CCDC12: variants seen among roughly 807,000 people sequenced by gnomAD.
The protein encoded by CCDC12 is coiled-coil domain containing 12.
Under a neutral mutation model 25.7 loss-of-function variants are expected in CCDC12, and 28 were observed. The observed-to-expected ratio is 1.09, with a 90% CI of 0.81 to 1.50. The LOEUF (loss-of-function observed/expected upper bound fraction) is 1.50. Among genes scored for constraint, CCDC12 ranks in the 40% most tolerant of loss-of-function variants. The pLI is 0.00. For synonymous variants in CCDC12, 75 were observed against 87.7 expected (o/e 0.86, Z 0.81); for missense variants, 198 against 210.0 (o/e 0.94, Z 0.35).
intron 2 of CCDC12, among the ~76,000 whole-genome samples, chr3:46,932,516 A>G (rs961656881): frequency 6.6e-6 from 1 of 152,224 alleles, no homozygotes; most frequent in Non-Finnish European, 1.5e-5. Context: ...AGCCTGAAGA[A>G]CGGGTACAGT....
At chr3:46,934,005 C>T (rs867697390) in intron 2 of CCDC12, among the ~76,000 whole-genome samples, 139 of 152,064 alleles carry the variant, frequency 9.1e-4, no homozygotes, top group African/African-American at 3.0e-3. Context: ...CTACAAGCTC[C>T]GCCTCCCGGG....
At chr3:46,966,356 T>C (rs1219852110) in intron 1 of CCDC12, among the ~76,000 whole-genome samples, 1 of 151,696 alleles carries the variant, frequency 6.6e-6, no homozygotes, top group African/African-American at 2.4e-5. Flanking sequence ...CTACTAAAAA[T>C]ACAAAAATTA....
In CCDC12 at chr3:46,964,343, C is replaced by T. The variant is rs534354457; in HGVS notation, c.96+12294G>A. Among the ~76,000 whole-genome samples, 86 of 151,150 alleles carry T rather than the reference C, an allele frequency of 5.7e-4. 1 individual carries two copies. In the South Asian group the frequency reaches 0.013, roughly 22 times the overall value. ...CCGGGAGGGAGGTGGGGGGTCAGCC[C>T]CCGCCCGGCCAGCCGCCCCGTCTGG... is the stretch of plus-strand genomic sequence containing the variant. On this transcript the variant is annotated intron_variant, in intron 1 of 6. Coordinates refer to ENST00000683445, the MANE Select transcript of CCDC12 (RefSeq NM_001277074.2).
intron 1 of CCDC12, among the ~76,000 whole-genome samples, chr3:46,971,918 A>G (rs1457069198): frequency 6.6e-6 from 1 of 152,176 alleles, no homozygotes; most frequent in Non-Finnish European, 1.5e-5. Flanking sequence ...GAGGAGACTC[A>G]AGGGGTTTTA....
chr3:46,968,087 C>G (rs1388319499), intron 1 of CCDC12, among the ~76,000 whole-genome samples: 1 of 152,168 alleles, frequency 6.6e-6, no homozygotes, highest in Non-Finnish European at 1.5e-5. Context: ...GAAATGCTGG[C>G]TCACCATAGG....
At chr3:46,949,714 C>A (rs1027493328) in intron 1 of CCDC12, among the ~76,000 whole-genome samples, 1 of 152,174 alleles carries the variant, frequency 6.6e-6, no homozygotes, top group African/African-American at 2.4e-5. Flanking sequence ...TACAGGGTCC[C>A]GCATGACCCT....
intron 1 of CCDC12, among the ~76,000 whole-genome samples, chr3:46,954,059 G>A (rs1261060109): frequency 2.0e-5 from 3 of 152,244 alleles, no homozygotes; most frequent in East Asian, 3.9e-4. Context: ...CCCCTGGTGG[G>A]AGACAGCTTC....
intron 2 of CCDC12, among the ~76,000 whole-genome samples, chr3:46,933,008 G>A (rs1024115502): frequency 6.6e-6 from 1 of 152,240 alleles, no homozygotes; most frequent in African/African-American, 2.4e-5. Flanking sequence ...CCAGCTTCCT[G>A]CATCTGGCTC....
At chr3:46,967,883 A>G (rs1286747256) in intron 1 of CCDC12, among the ~76,000 whole-genome samples, 1 of 152,238 alleles carries the variant, frequency 6.6e-6, no homozygotes, top group Non-Finnish European at 1.5e-5. Flanking sequence ...AAAATTCATC[A>G]GAATCACCTG....
chr3:46,967,813 G>GA (rs568575361), intron 1 of CCDC12, among the ~76,000 whole-genome samples: 5 of 151,836 alleles, frequency 3.3e-5, no homozygotes, highest in East Asian at 3.8e-4. Context: ...GGTTCCAAGG[G>GA]AAAAAAAAGT....
intron 1 of CCDC12, among the ~76,000 whole-genome samples, chr3:46,969,045 T>G (rs1436578203): frequency 6.6e-6 from 1 of 152,192 alleles, no homozygotes; most frequent in Non-Finnish European, 1.5e-5. Flanking sequence ...CTGCTGGGCC[T>G]GGGGATGTGG....
At chr3:46,941,271 C>T (rs1250951465) in intron 1 of CCDC12, among the ~76,000 whole-genome samples, 7 of 152,122 alleles carry the variant, frequency 4.6e-5, no homozygotes, top group Non-Finnish European at 8.8e-5. Flanking sequence ...TTTAAAAATC[C>T]ATAACTCTTG....
chr3:46,958,719 C>T (rs1325308206), intron 1 of CCDC12, among the ~76,000 whole-genome samples: 1 of 152,094 alleles, frequency 6.6e-6, no homozygotes, highest in African/African-American at 2.4e-5. Context: ...GGAGCTGAGA[C>T]TCGGGATGTT....
intron 1 of CCDC12, among the ~76,000 whole-genome samples, chr3:46,964,585 CTT>C (rs2034583767): frequency 1.3e-5 from 2 of 151,830 alleles, no homozygotes; most frequent in Non-Finnish European, 3.0e-5. Flanking sequence ...ACATGGGAGA[CTT>C]TTCATTTTGT....
At chr3:46,938,781 C>T (rs992449170) in intron 2 of CCDC12, among the ~76,000 whole-genome samples, 2 of 151,408 alleles carry the variant, frequency 1.3e-5, no homozygotes, top group East Asian at 1.9e-4. Flanking sequence ...TTGGGAGCCA[C>T]GTGGAGGTTG....
intron 2 of CCDC12, among the ~76,000 whole-genome samples, chr3:46,939,657 C>T (rs1280831249): frequency 2.0e-5 from 3 of 152,100 alleles, no homozygotes; most frequent in South Asian, 2.1e-4. Context: ...GGCCCAGTGC[C>T]GGCAGACCCA....
At position 46,955,469 on chromosome 3, in the gene CCDC12, C is replaced by T. The variant is rs550994590; in HGVS notation, c.97-14404G>A. On this transcript the variant is annotated intron_variant, in intron 1 of 6. Transcript: ENST00000683445. Reference sequence around the variant, plus strand: ...TGAGAGAAGGTGGGACCCGAGAACACCTGGAAGGCCAGCCAGGTGGGCAGG... The same window carrying T: ...TGAGAGAAGGTGGGACCCGAGAACATCTGGAAGGCCAGCCAGGTGGGCAGG... 7.9e-5 allele frequency among the ~76,000 whole-genome samples: 12 copies of T among 152,198 alleles called. No individual in the cohort carries two copies. In the East Asian group the frequency reaches 2.1e-3, roughly 27 times the overall value.
At chr3:46,957,960 T>C (rs373185211) in intron 1 of CCDC12, among the ~76,000 whole-genome samples, 897 of 64,766 alleles carry the variant, frequency 0.014, 13 homozygotes, top group African/African-American at 0.047. Context: ...AAAAAATAAA[T>C]ACACACACAC....
chr3:46,944,766 T>C (rs1037968758), intron 1 of CCDC12, among the ~76,000 whole-genome samples: 1 of 151,458 alleles, frequency 6.6e-6, no homozygotes. Flanking sequence ...CTCCCCTAAG[T>C]CTCTCTTCAA....
Sources: allele counts gnomAD v4.1 joint callset (sites outside exome capture counted in the v4.1 genomes callset), GRCh38; gene constraint gnomAD v4.1.1; transcripts MANE v1.5; gene names NCBI Gene and HGNC (gene_info 2026-07-23, HGNC 2026-07-21).